The following SENP1 variants were observed in gnomAD, a reference collection of about 807,000 sequenced individuals.
The protein encoded by SENP1 is SUMO specific peptidase 1.
Under a neutral mutation model 93.0 loss-of-function variants are expected in SENP1, and 21 were observed. That is an observed-to-expected ratio of 0.23 (90% CI 0.16 to 0.33). The LOEUF (loss-of-function observed/expected upper bound fraction) is 0.33, where lower values mean the gene tolerates loss of function less well. Among genes scored for constraint, SENP1 ranks in the 10% least tolerant of loss-of-function variants. The pLI, the probability that SENP1 is intolerant of heterozygous loss-of-function variation, is 1.00. For missense variants in SENP1, 591 were observed against 758.7 expected (o/e 0.78, Z 2.60); for synonymous variants, 256 against 259.6 (o/e 0.99, Z 0.13).
At chr12:48,046,232 T>C in intron 17 of SENP1, 124 bp downstream of exon 17, 1 of 646,264 alleles carries the variant, frequency 1.5e-6, no homozygotes, top group South Asian at 2.1e-5. Context: ...TTATGAATCA[T>C]GGGCTGAAGC....
chr12:48,089,127 A>T, intron 4 of SENP1, 167 bp from the exon 5 acceptor site: 2 of 1,573,564 alleles, frequency 1.3e-6, no homozygotes, highest in South Asian at 1.1e-5. Flanking sequence ...CAGTAGGGGA[A>T]CTTCTACAAA....
At chr12:48,101,385 T>A in intron 2 of SENP1, 84 bp downstream of exon 2, 1 of 1,059,418 alleles carries the variant, frequency 9.4e-7, no homozygotes, top group Non-Finnish European at 1.4e-6. Flanking sequence ...ATACAAATAC[T>A]GAAAATGTTA....
intron 14 of SENP1, among the ~76,000 whole-genome samples, chr12:48,048,512 G>A (rs990501864): frequency 6.6e-6 from 1 of 152,186 alleles, no homozygotes; most frequent in South Asian, 2.1e-4. Context: ...ATCCAAAACA[G>A]ACTGTGAAAT....
intron 4 of SENP1, among the ~76,000 whole-genome samples, chr12:48,091,450 CAA>C (rs755715258): frequency 2.1e-4 from 23 of 110,462 alleles, no homozygotes; most frequent in East Asian, 2.6e-4. Flanking sequence ...ATTCTGTCTC[CAA>C]AAAAAAAAAA....
chr12:48,066,565 G>A (rs1943318517), intron 10 of SENP1, among the ~76,000 whole-genome samples: 1 of 150,240 alleles, frequency 6.7e-6, no homozygotes, highest in Admixed American at 6.6e-5. Context: ...AGGCTGGAGT[G>A]CAGTGGCGTG....
Position 48,044,130 on chromosome 12 carries a change from T to G in SENP1, c.*1192A>C, listed in dbSNP as rs1307108043. The G allele has an allele frequency of 6.6e-6, 1 of 151,970 alleles. No homozygotes were observed. Among genetic ancestry groups the G allele is most frequent in the Non-Finnish European group, 1.5e-5 (1 of 67,876 alleles). 9.4% of individuals were successfully genotyped at this position (151,970 alleles called of 1,614,324 possible). ...TTGATCAGTCCAAACTCCACCCGTT[T>G]TTTTTTTTAGCTGAAAATATCACCT... On this transcript the variant is annotated 3_prime_UTR_variant, in exon 18 of 18. Transcript: ENST00000549518.
intron 13 of SENP1, among the ~76,000 whole-genome samples, chr12:48,056,349 A>ATATTATT (rs1319224979): frequency 1.2e-5 from 1 of 80,812 alleles, no homozygotes; most frequent in Non-Finnish European, 2.5e-5. Context: ...TATATTACAT[A>ATATTATT]TAATATATTA....
At chr12:48,046,063 C>T (rs2136728908) in intron 17 of SENP1, among the ~76,000 whole-genome samples, 1 of 152,276 alleles carries the variant, frequency 6.6e-6, no homozygotes, top group South Asian at 2.1e-4. Context: ...CTGCTCTGGT[C>T]CCAGTTCTCT....
At chr12:48,071,601 G>T in intron 9 of SENP1, 66 bp downstream of exon 9, 2 of 1,147,930 alleles carry the variant, frequency 1.7e-6, no homozygotes, top group Non-Finnish European at 2.6e-6. Context: ...GGGCAACAGA[G>T]CGAGACTCCG....
chr12:48,065,649 T>G lies in SENP1; in HGVS notation c.1066A>C (p.Arg356=), dbSNP rs779699544. Reference sequence around the variant, plus strand: ...TTCTGTTCTTCAATCTGGCGCAATCTTTCTCGTGCTCGAGAATCATAAACA... The same window carrying G: ...TTCTGTTCTTCAATCTGGCGCAATCGTTCTCGTGCTCGAGAATCATAAACA... ...TSVYDSRARE[R]LRQIEEQKAL... Residue 356 remains arginine, a synonymous_variant, in exon 11 of 18, where the codon AGA becomes CGA. Transcript: ENST00000549518. 1 of 1,561,772 alleles carries G rather than the reference T, an allele frequency of 6.4e-7. No individual in the cohort carries two copies. The highest frequency in any genetic ancestry group is 1.4e-5 in the African/African-American group (1 of 73,794).
At chr12:48,052,908 C>A (rs1298563363) in intron 13 of SENP1, among the ~76,000 whole-genome samples, 2 of 152,156 alleles carry the variant, frequency 1.3e-5, no homozygotes, top group Admixed American at 6.6e-5. Flanking sequence ...TTATTCTACA[C>A]GTAAGTGTAC....
intron 5 of SENP1, chr12:48,085,277 G>A (rs1164241215): frequency 6.4e-7 from 1 of 1,552,682 alleles, no homozygotes; most frequent in Non-Finnish European, 8.9e-7. Context: ...ACATCGCAGA[G>A]ATGGTGCAGC....
chr12:48,090,635 T>C (rs1049866879), intron 4 of SENP1, among the ~76,000 whole-genome samples: 34 of 152,190 alleles, frequency 2.2e-4, no homozygotes, highest in African/African-American at 8.2e-4. Context: ...CTCACTCTGT[T>C]GCCCAGGCTG....
At chr12:48,060,844 G>A (rs1038138491) in intron 13 of SENP1, among the ~76,000 whole-genome samples, 4 of 152,004 alleles carry the variant, frequency 2.6e-5, no homozygotes, top group Non-Finnish European at 4.4e-5. Flanking sequence ...CCCCATCTAC[G>A]GTGTCTTGAT....
intron 1 of SENP1, among the ~76,000 whole-genome samples, chr12:48,103,025 C>A (rs898378553): frequency 6.6e-6 from 1 of 152,142 alleles, no homozygotes; most frequent in Admixed American, 6.5e-5. Flanking sequence ...AGAGTAGACT[C>A]CCTTGGGTTC....
intron 14 of SENP1, 82 bp downstream of exon 14, chr12:48,048,847 G>A: frequency 2.0e-6 from 2 of 1,003,134 alleles, no homozygotes; most frequent in East Asian, 2.6e-5. Flanking sequence ...AAGGGAACAT[G>A]TAGAACTACT....
intron 13 of SENP1, among the ~76,000 whole-genome samples, chr12:48,060,085 C>A (rs896488155): frequency 4.6e-5 from 7 of 152,132 alleles, no homozygotes; most frequent in Non-Finnish European, 1.0e-4. Flanking sequence ...AACACACACA[C>A]CCCACCCTAG....
At chr12:48,099,139 A>C (rs10875741) in intron 2 of SENP1, 79,166 of 151,932 alleles carry the variant, frequency 0.52, 20,989 homozygotes, top group East Asian at 0.84. Flanking sequence ...CTGGGAAATA[A>C]GGCAAAATCT....
Position 48,097,987 on chromosome 12 carries a change from T to C in SENP1, c.135+7A>G. 6.2e-7 allele frequency: 1 copy of C among 1,612,506 alleles called. No individual in the cohort carries two copies. The highest frequency in any genetic ancestry group is 2.2e-5 in the East Asian group (1 of 44,856). On this transcript the variant is annotated splice_region_variant and intron_variant, in intron 3 of 17. Coordinates refer to ENST00000549518, the MANE Select transcript of SENP1 (RefSeq NM_001267594.2). Reference sequence around the variant, plus strand: ...TAATTAATTAAAGGAAGAAAATTGCTCCTAACCTGCTGGTCAGAAAGCGAA... The same window carrying C: ...TAATTAATTAAAGGAAGAAAATTGCCCCTAACCTGCTGGTCAGAAAGCGAA...
Sources: allele counts gnomAD v4.1 joint callset (sites outside exome capture counted in the v4.1 genomes callset), GRCh38; gene constraint gnomAD v4.1.1; transcripts MANE v1.5; gene names NCBI Gene and HGNC (gene_info 2026-07-23, HGNC 2026-07-21).